The following ANKRD45 variants were observed in gnomAD, a reference collection of about 807,000 sequenced individuals.
ANKRD45 encodes the protein ankyrin repeat domain 45.
ANKRD45 carries 21 observed loss-of-function variants against 28.1 expected under a neutral mutation model. The ratio of observed to expected loss-of-function variants is 0.75; its 90% CI spans 0.53 to 1.08. The LOEUF (loss-of-function observed/expected upper bound fraction) is 1.08. Ranked by LOEUF, ANKRD45 falls within the 50% of genes least tolerant of loss-of-function variation. The pLI is 0.00. For missense variants in ANKRD45, 261 were observed against 308.7 expected (o/e 0.85, Z 1.16); for synonymous variants, 86 against 103.9 (o/e 0.83, Z 1.05).
upstream of ANKRD45, among the ~76,000 whole-genome samples, chr1:173,670,747 T>C (rs932656234): frequency 6.6e-6 from 1 of 152,168 alleles, no homozygotes; most frequent in Non-Finnish European, 1.5e-5. Flanking sequence ...TAATAATTGG[T>C]TGCAGCCAAT....
chr1:173,680,341 A>T, the ANKRD45 span, among the ~76,000 whole-genome samples: 222 of 152,342 alleles, frequency 1.5e-3, no homozygotes, highest in Non-Finnish European at 2.7e-3. Context: ...CACATACACC[A>T]TGGAATACTA....
rs1571707502 is a variant in ANKRD45, at chr1:173,627,284, A to G, written c.497-125T>C. ...AACACCAAATTGAAAAACTATCCATACAAAAAAGCACCAACATGAGAACCA... is the reference window on the plus strand; with the variant it reads ...AACACCAAATTGAAAAACTATCCATGCAAAAAAGCACCAACATGAGAACCA... On this transcript the variant is annotated intron_variant, in intron 3 of 5. Transcript: ENST00000333279. 1.7e-5 allele frequency: 11 copies of G among 646,766 alleles called. No homozygotes were observed. The East Asian group carries it at 2.9e-4, about 17-fold the overall frequency. The allele number at this position is 646,766 out of a possible 1,614,324, so 40.1% of individuals were successfully genotyped here.
rs1363462906 is a variant in ANKRD45 at position 173,669,806 on chromosome 1, C to G, written c.-16+11G>C. 2 of 181,162 alleles carry G rather than the reference C, an allele frequency of 1.1e-5. No homozygotes were observed. The highest frequency in any genetic ancestry group is 4.8e-5 in the African/African-American group (2 of 41,874). 11.2% of individuals were successfully genotyped at this position (181,162 alleles called of 1,614,324 possible). Reference sequence around the variant, plus strand: ...CACCCCGGCCCACAGCGCCAGGACCCCTAGACTCACCACACCCGGGCCCCG... The same window carrying G: ...CACCCCGGCCCACAGCGCCAGGACCGCTAGACTCACCACACCCGGGCCCCG... On this transcript the variant is annotated intron_variant, in intron 1 of 5. Transcript: ENST00000333279.
At chr1:173,687,745 C>G in the ANKRD45 span, among the ~76,000 whole-genome samples, 2 of 152,110 alleles carry the variant, frequency 1.3e-5, no homozygotes, top group Non-Finnish European at 2.9e-5. Flanking sequence ...ACAGCTCGCA[C>G]ATTTGAGCAG....
intron 5 of ANKRD45, among the ~76,000 whole-genome samples, chr1:173,610,697 C>T (rs2102304206): frequency 6.6e-6 from 1 of 151,974 alleles, no homozygotes. Context: ...ACCGTATATC[C>T]AATAGTCCCA....
chr1:173,650,138 G>C (rs1669116939), intron 2 of ANKRD45, among the ~76,000 whole-genome samples: 1 of 151,906 alleles, frequency 6.6e-6, no homozygotes, highest in Non-Finnish European at 1.5e-5. Context: ...TAAGTTCTAG[G>C]GTACATATGC....
At chr1:173,705,501 G>GA in the ANKRD45 span, among the ~76,000 whole-genome samples, 1,143 of 126,032 alleles carry the variant, frequency 9.1e-3, 10 homozygotes, top group African/African-American at 0.028. Context: ...TGTCTCTATA[G>GA]AAAAAAAAAA....
intron 5 of ANKRD45, among the ~76,000 whole-genome samples, chr1:173,613,257 G>A (rs1667267320): frequency 6.6e-6 from 1 of 151,894 alleles, no homozygotes; most frequent in African/African-American, 2.4e-5. Flanking sequence ...CGTCTGGGAG[G>A]TGAGGAGCGT....
chr1:173,635,970 A>T, intron 3 of ANKRD45: 2 of 698,500 alleles, frequency 2.9e-6, no homozygotes, highest in Non-Finnish European at 4.7e-6. Flanking sequence ...CCAACTTCCC[A>T]TTCATTCCCA....
chr1:173,614,083 G>C (rs1027621958), intron 5 of ANKRD45, among the ~76,000 whole-genome samples: 6 of 152,090 alleles, frequency 3.9e-5, no homozygotes, highest in Non-Finnish European at 7.4e-5. Flanking sequence ...GACTCGCTAA[G>C]AGTCATCACC....
chr1:173,707,009 C>T, the ANKRD45 span, among the ~76,000 whole-genome samples: 1 of 152,050 alleles, frequency 6.6e-6, no homozygotes, highest in African/African-American at 2.4e-5. Context: ...AAAATAGACA[C>T]AATTTGCATT....
In ANKRD45 at chr1:173,609,909, C is replaced by T; in HGVS notation, c.*236G>A. The T allele has an allele frequency of 2.0e-6, 1 of 500,596 alleles. No individual in the cohort carries two copies. The allele number at this position is 500,596 out of a possible 1,614,324, so 31.0% of individuals were successfully genotyped here. ...CATGGTCTTCACGAATGATTTATAC[C>T]CAAGTGCTTTCCTGAAGGAGCACGT... On this transcript the variant is annotated 3_prime_UTR_variant, in exon 6 of 6. Transcript: ENST00000333279.
the ANKRD45 span, among the ~76,000 whole-genome samples, chr1:173,700,149 C>G: frequency 6.6e-6 from 1 of 152,142 alleles, no homozygotes; most frequent in Non-Finnish European, 1.5e-5. Context: ...GAACTACAAA[C>G]CACTGCTCAA....
At chr1:173,681,475 A>G in the ANKRD45 span, among the ~76,000 whole-genome samples, 2 of 152,250 alleles carry the variant, frequency 1.3e-5, no homozygotes, top group African/African-American at 4.8e-5. Context: ...AGCCGATTAG[A>G]GCTCTTTTGT....
intron 5 of ANKRD45, among the ~76,000 whole-genome samples, chr1:173,613,465 G>GT (rs1336333350): frequency 7.2e-6 from 1 of 138,306 alleles, no homozygotes; most frequent in African/African-American, 3.3e-5. Flanking sequence ...GAGGTGGGGG[G>GT]CAGCCCCCGC....
the ANKRD45 span, among the ~76,000 whole-genome samples, chr1:173,691,096 C>A: frequency 1.3e-5 from 2 of 152,248 alleles, no homozygotes; most frequent in Non-Finnish European, 2.9e-5. Flanking sequence ...CTGCCCCACC[C>A]CCCACGGCTT....
At chr1:173,688,537 CCT>C in the ANKRD45 span, among the ~76,000 whole-genome samples, 6 of 88,416 alleles carry the variant, frequency 6.8e-5, no homozygotes, top group Admixed American at 1.0e-4. Flanking sequence ...CCTCTCTCTC[CCT>C]CTCTCTCCCT....
the ANKRD45 span, among the ~76,000 whole-genome samples, chr1:173,711,992 T>TATACCATATAGTAACATTTTC: frequency 6.6e-6 from 1 of 152,218 alleles, no homozygotes; most frequent in Non-Finnish European, 1.5e-5. Flanking sequence ...GTAACATTTT[T>TATACCATATAGTAACATTTTC]ATACCATATA....
chr1:173,675,767 A>C, the ANKRD45 span, among the ~76,000 whole-genome samples: 1 of 152,246 alleles, frequency 6.6e-6, no homozygotes, highest in Non-Finnish European at 1.5e-5. Context: ...ATTTTTATTA[A>C]AGACAAATCA....
Sources: allele counts gnomAD v4.1 joint callset (sites outside exome capture counted in the v4.1 genomes callset), GRCh38; gene constraint gnomAD v4.1.1; transcripts MANE v1.5; gene names NCBI Gene and HGNC (gene_info 2026-07-23, HGNC 2026-07-21).